The following DPP4 variants were observed in gnomAD, a reference collection of about 807,000 sequenced individuals.
DPP4 encodes ADCP-2.
In DPP4, 93 loss-of-function variants were observed where a neutral mutation model predicts 122.4. The observed-to-expected ratio is 0.76, with a 90% confidence interval of 0.64 to 0.90. The LOEUF is 0.90. Among genes scored for constraint, DPP4 ranks in the 40% least tolerant of loss-of-function variants. The pLI is 0.00. For missense variants in DPP4, 914 were observed against 907.3 expected (o/e 1.01, Z -0.09); for synonymous variants, 321 against 302.9 (o/e 1.06, Z -0.62).
At chr2:162,047,063 A>G in intron 3 of DPP4, 57 bp from the exon 4 acceptor site, 4 of 949,868 alleles carry the variant, frequency 4.2e-6, no homozygotes, top group Non-Finnish European at 6.6e-6. Context: ...CATCTTCATA[A>G]GCTGAAAATT....
At chr2:162,023,436 C>A (rs1376592755) in intron 11 of DPP4, among the ~76,000 whole-genome samples, 1 of 152,186 alleles carries the variant, frequency 6.6e-6, no homozygotes, top group Non-Finnish European at 1.5e-5. Context: ...GGCACCTGAG[C>A]CTTTGCCTAT....
chr2:162,021,116 G>T (rs1273565559), intron 12 of DPP4, among the ~76,000 whole-genome samples: 2 of 152,086 alleles, frequency 1.3e-5, no homozygotes, highest in Non-Finnish European at 2.9e-5. Context: ...TCAGGTTGGG[G>T]GTGGTTTGCA....
At chr2:162,034,232 T>C (rs1279233846) in intron 9 of DPP4, among the ~76,000 whole-genome samples, 1 of 152,124 alleles carries the variant, frequency 6.6e-6, no homozygotes, top group African/African-American at 2.4e-5. Flanking sequence ...CCTTTTTAAA[T>C]ATACACATAG....
intron 2 of DPP4, among the ~76,000 whole-genome samples, chr2:162,063,722 A>AC (rs965238388): frequency 4.5e-5 from 3 of 67,226 alleles, no homozygotes; most frequent in African/African-American, 3.8e-4. Context: ...GGCTTAAGAG[A>AC]AAAAAAGGGA....
intron 22 of DPP4, among the ~76,000 whole-genome samples, chr2:162,007,403 T>C (rs1467086685): frequency 6.6e-6 from 1 of 152,064 alleles, no homozygotes; most frequent in African/African-American, 2.4e-5. Flanking sequence ...AAAAATAACA[T>C]TTAAAAAATA....
At chr2:162,029,821 T>A (rs1200474960) in intron 10 of DPP4, among the ~76,000 whole-genome samples, 1 of 152,030 alleles carries the variant, frequency 6.6e-6, no homozygotes, top group Non-Finnish European at 1.5e-5. Flanking sequence ...GCCACAGAAT[T>A]TTTGGCAGAG....
intron 10 of DPP4, among the ~76,000 whole-genome samples, chr2:162,028,608 GAC>G (rs1683431425): frequency 6.6e-6 from 1 of 152,198 alleles, no homozygotes; most frequent in African/African-American, 2.4e-5. Flanking sequence ...ACCCAGGTTA[GAC>G]ATATGAGCCA....
chr2:162,054,444 G>A (rs905357987), intron 2 of DPP4, among the ~76,000 whole-genome samples: 5 of 152,134 alleles, frequency 3.3e-5, no homozygotes, highest in Non-Finnish European at 4.4e-5. Flanking sequence ...TGCATTTTGC[G>A]TACGAAAAGC....
At chr2:162,022,194 G>A (rs886717045) in intron 12 of DPP4, among the ~76,000 whole-genome samples, 1 of 152,138 alleles carries the variant, frequency 6.6e-6, no homozygotes, top group Admixed American at 6.5e-5. Flanking sequence ...AACTCAGTGG[G>A]ACTGAGAAGC....
intron 14 of DPP4, among the ~76,000 whole-genome samples, chr2:162,019,999 A>G (rs892141402): frequency 2.6e-5 from 4 of 152,320 alleles, no homozygotes; most frequent in Non-Finnish European, 5.9e-5. Context: ...AGCTCTTGTA[A>G]TGTAAAGCAG....
intron 14 of DPP4, 107 bp downstream of exon 14, chr2:162,020,122 C>T (rs1467161274): frequency 2.1e-6 from 2 of 946,056 alleles, no homozygotes; most frequent in African/African-American, 3.3e-5. Flanking sequence ...GAACACATTC[C>T]AAAAAGACTA....
At position 162,020,303 on chromosome 2, in the gene DPP4, G is replaced by GGT; in HGVS notation, c.1177-8_1177-7insAC. ...TTGTAATAAATGTGCAGTCCTGATG[G>GGT]TTTTTTTTTTTTTTCAAAAAAAAAA... On this transcript the variant is annotated splice_polypyrimidine_tract_variant and splice_region_variant and intron_variant, in intron 13 of 25. Transcript: ENST00000360534. 1.7e-6 allele frequency: 2 copies of GGT among 1,191,338 alleles called. No individual in the cohort carries two copies. Among genetic ancestry groups the GGT allele is most frequent in the South Asian group, 3.0e-5 (2 of 65,994 alleles). The allele number at this position is 1,191,338 out of a possible 1,614,324, so 73.8% of individuals were successfully genotyped here. A position where few individuals can be genotyped will look rare whatever the true frequency, so the allele number is the denominator to read the frequency against.
intron 2 of DPP4, among the ~76,000 whole-genome samples, chr2:162,050,288 A>C (rs1684338021): frequency 6.6e-6 from 1 of 152,214 alleles, no homozygotes; most frequent in Non-Finnish European, 1.5e-5. Flanking sequence ...ACCCTAAATT[A>C]GTGTAATTTG....
chr2:162,017,779 T>A (rs565818964), intron 16 of DPP4, among the ~76,000 whole-genome samples: 8 of 152,384 alleles, frequency 5.2e-5, no homozygotes, highest in Middle Eastern at 3.4e-3. Flanking sequence ...GTGAGCTCTT[T>A]AATTTTATGT....
chr2:162,022,569 A>G (rs187032214), intron 12 of DPP4, among the ~76,000 whole-genome samples, 186 bp downstream of exon 12: 51 of 152,124 alleles, frequency 3.4e-4, no homozygotes, highest in African/African-American at 1.1e-3. Context: ...ACTTTTTCCA[A>G]CTGTGTGTGT....
intron 2 of DPP4, among the ~76,000 whole-genome samples, chr2:162,048,379 C>T (rs180902560): frequency 6.6e-6 from 1 of 152,204 alleles, no homozygotes; most frequent in East Asian, 1.9e-4. Context: ...CTCCTCTGCA[C>T]CACCACTAGA....
At position 162,024,890 on chromosome 2, in the gene DPP4, A is replaced by G; in HGVS notation, c.937T>C (p.Leu313=). 1.9e-6 allele frequency: 3 copies of G among 1,613,996 alleles called. No individual in the cohort carries two copies. Among genetic ancestry groups the G allele is most frequent in the Non-Finnish European group, 2.5e-6 (3 of 1,180,024 alleles). ...TTCTGAATCCTCCTGAGCCACTGCA[A>G]AGAAATTCTTTCTTGTGTTGCCCAT... The part of the protein sequence containing the change: ...VTWATQERIS[L]QWLRRIQNYS... The change falls in exon 11 of 26, where the codon TTG becomes CTG. Residue 313 remains leucine (L), a synonymous_variant. Coordinates refer to ENST00000360534, the MANE Select transcript of DPP4 (RefSeq NM_001935.4).
At chr2:162,000,436 G>T (rs578047099) in intron 23 of DPP4, among the ~76,000 whole-genome samples, 1 of 152,190 alleles carries the variant, frequency 6.6e-6, no homozygotes, top group East Asian at 1.9e-4. Flanking sequence ...AGCAACACTG[G>T]CTTCTTTAAA....
intron 2 of DPP4, among the ~76,000 whole-genome samples, chr2:162,056,861 G>A (rs1342062368): frequency 3.9e-5 from 6 of 152,094 alleles, no homozygotes; most frequent in Non-Finnish European, 8.8e-5. Context: ...CATCACTATT[G>A]TCAAGTTGTC....
Sources: allele counts gnomAD v4.1 joint callset (sites outside exome capture counted in the v4.1 genomes callset), GRCh38; gene constraint gnomAD v4.1.1; transcripts MANE v1.5; gene names NCBI Gene and HGNC (gene_info 2026-07-23, HGNC 2026-07-21).